The following SGCD variants were observed in gnomAD, a reference collection of about 807,000 sequenced individuals.
SGCD encodes delta-sarcoglycan.
In SGCD, 18 loss-of-function variants were observed where a neutral mutation model predicts 36.6. That is an observed-to-expected ratio of 0.49 (90% CI 0.34 to 0.73). The LOEUF (loss-of-function observed/expected upper bound fraction) is 0.73. SGCD is among the 30% of genes least tolerant of loss of function. The probability of loss-of-function intolerance (pLI) is 0.01; values close to 1 mark genes in which losing one functional copy is unlikely to be tolerated. For synonymous variants in SGCD, 133 were observed against 130.6 expected, an observed-to-expected ratio of 1.02 and a Z score of -0.12; for missense variants, 387 against 346.7, an observed-to-expected ratio of 1.12 and a Z score of -0.92.
At chr5:156,382,556 A>G (rs1771043064) in intron 3 of SGCD, among the ~76,000 whole-genome samples, 1 of 152,190 alleles carries the variant, frequency 6.6e-6, no homozygotes, top group South Asian at 2.1e-4. Flanking sequence ...AAACTTAAAA[A>G]TTATGGTTTT....
At chr5:156,165,876 T>A (rs1158177668) in intron 3 of SGCD, among the ~76,000 whole-genome samples, 1 of 152,236 alleles carries the variant, frequency 6.6e-6, no homozygotes, top group Non-Finnish European at 1.5e-5. Flanking sequence ...CTTAATTATA[T>A]CTGAAGAATT....
At chr5:155,842,294 G>T in the SGCD span, among the ~76,000 whole-genome samples, 1 of 148,640 alleles carries the variant, frequency 6.7e-6, no homozygotes. Context: ...TAACTGACTG[G>T]CTGGGCACAG....
intron 1 of SGCD, among the ~76,000 whole-genome samples, chr5:156,039,593 A>G (rs576995937): frequency 6.6e-6 from 1 of 152,342 alleles, no homozygotes; most frequent in East Asian, 1.9e-4. Flanking sequence ...GACAATTGAA[A>G]CATTTGTCTG....
At chr5:155,832,857 C>T in the SGCD span, among the ~76,000 whole-genome samples, 1 of 151,410 alleles carries the variant, frequency 6.6e-6, no homozygotes, top group East Asian at 1.9e-4. Flanking sequence ...TTATATGTAC[C>T]TTTTCAGCCA....
intron 3 of SGCD, among the ~76,000 whole-genome samples, chr5:156,144,705 G>A (rs1039546693): frequency 6.6e-6 from 1 of 152,134 alleles, no homozygotes; most frequent in African/African-American, 2.4e-5. Context: ...CACTCTGATG[G>A]TAGTTTCTTT....
intron 4 of SGCD, among the ~76,000 whole-genome samples, chr5:156,547,116 C>T (rs1758606212): frequency 6.6e-6 from 1 of 152,198 alleles, no homozygotes; most frequent in Non-Finnish European, 1.5e-5. Context: ...ACTACAGAGG[C>T]AATTGCCAGT....
At chr5:156,134,709 G>A (rs112899643) in intron 3 of SGCD, among the ~76,000 whole-genome samples, 2 of 142,744 alleles carry the variant, frequency 1.4e-5, no homozygotes, top group East Asian at 2.3e-4. Context: ...GTTGGGGGAG[G>A]GGGGAGGGAT....
chr5:156,557,248 A>T (rs1759066402), intron 4 of SGCD, among the ~76,000 whole-genome samples: 1 of 152,154 alleles, frequency 6.6e-6, no homozygotes, highest in Admixed American at 6.6e-5. Context: ...ACTCCATAGC[A>T]ACACCATCTG....
chr5:156,574,556 A>C (rs1336878217), intron 4 of SGCD, among the ~76,000 whole-genome samples: 1 of 152,166 alleles, frequency 6.6e-6, no homozygotes, highest in Non-Finnish European at 1.5e-5. Context: ...CCAAAGCCCT[A>C]ATTAACCACA....
chr5:155,965,440 A>C (rs1296462161), intron 1 of SGCD, among the ~76,000 whole-genome samples: 4 of 151,928 alleles, frequency 2.6e-5, no homozygotes, highest in African/African-American at 9.7e-5. Flanking sequence ...TAAAAAAGGG[A>C]GGTTCTTTTT....
the SGCD span, among the ~76,000 whole-genome samples, chr5:155,815,740 C>T: frequency 6.6e-6 from 1 of 152,120 alleles, no homozygotes; most frequent in African/African-American, 2.4e-5. Context: ...CACTCACTGT[C>T]ATGAGAATAG....
intron 3 of SGCD, among the ~76,000 whole-genome samples, chr5:156,400,038 G>T (rs1486075860): frequency 6.6e-6 from 1 of 152,122 alleles, no homozygotes; most frequent in Non-Finnish European, 1.5e-5. Flanking sequence ...GGGTGAGGAG[G>T]GTAAGTAAGG....
intron 1 of SGCD, among the ~76,000 whole-genome samples, chr5:155,976,259 G>A (rs1758112000): frequency 6.6e-6 from 1 of 152,166 alleles, no homozygotes; most frequent in Non-Finnish European, 1.5e-5. Context: ...GAAGCTCAAA[G>A]TAAGTGTTTG....
chr5:155,728,011 C>A, the SGCD span, among the ~76,000 whole-genome samples: 6 of 152,198 alleles, frequency 3.9e-5, no homozygotes, highest in Admixed American at 3.3e-4. Flanking sequence ...TCCCCCCACC[C>A]CGCCCGCGTT....
At chr5:156,297,646 G>A (rs977186909) in intron 3 of SGCD, among the ~76,000 whole-genome samples, 1 of 122,586 alleles carries the variant, frequency 8.2e-6, no homozygotes, top group African/African-American at 3.0e-5. Context: ...TGTGGGGTGG[G>A]GGGAGGGGGG....
At chr5:156,461,218 T>C (rs1054513237) in intron 3 of SGCD, among the ~76,000 whole-genome samples, 8 of 152,162 alleles carry the variant, frequency 5.3e-5, no homozygotes, top group African/African-American at 9.7e-5. Context: ...GAATATGTGG[T>C]ATAAGATGTG....
At chr5:156,511,147 AT>A (rs1756906907) in intron 4 of SGCD, among the ~76,000 whole-genome samples, 1 of 152,354 alleles carries the variant, frequency 6.6e-6, no homozygotes, top group East Asian at 1.9e-4. Context: ...ACTATTTTCC[AT>A]TGGTTTTAAT....
the SGCD span, among the ~76,000 whole-genome samples, chr5:155,781,177 A>G: frequency 6.6e-6 from 1 of 152,184 alleles, no homozygotes; most frequent in Admixed American, 6.5e-5. Flanking sequence ...AGTTTTAATC[A>G]GTTTCTTAGG....
chr5:155,770,355 T>C, the SGCD span, among the ~76,000 whole-genome samples: 6,603 of 148,780 alleles, frequency 0.044, 190 homozygotes, highest in Middle Eastern at 0.078. Context: ...GAGCCAGCCA[T>C]AGGATGTGGG....
Sources: gnomAD v4.1 joint callset for allele counts (sites outside exome capture counted in the v4.1 genomes callset) on GRCh38, gnomAD v4.1.1 for gene constraint, MANE v1.5 for transcripts, NCBI Gene and HGNC (gene_info 2026-07-23, HGNC 2026-07-21) for gene names.